EXOC2: variants seen among roughly 807,000 people sequenced by gnomAD.
EXOC2 encodes exocyst complex component 2, also known as SEC5-like 1.
In EXOC2, 70 loss-of-function variants were observed where a neutral mutation model predicts 131.8. The observed-to-expected ratio is 0.53, with a 90% CI of 0.44 to 0.65. The LOEUF (loss-of-function observed/expected upper bound fraction) is 0.65, where lower values mean the gene tolerates loss of function less well. Among genes scored for constraint, EXOC2 ranks in the 30% least tolerant of loss-of-function variants. The pLI, the probability that EXOC2 is intolerant of heterozygous loss-of-function variation, is 0.00. For synonymous variants in EXOC2, 411 were observed against 398.4 expected, an observed-to-expected ratio of 1.03 and a Z score of -0.38; for missense variants, 923 against 1,108.6, an observed-to-expected ratio of 0.83 and a Z score of 2.38.
intron 23 of EXOC2, 98 bp downstream of exon 23, chr6:532,371 G>T: frequency 8.2e-7 from 1 of 1,221,418 alleles, no homozygotes; most frequent in African/African-American, 1.6e-5. Flanking sequence ...ACTCTCAGTA[G>T]ATATGAGAAA....
intron 4 of EXOC2, among the ~76,000 whole-genome samples, chr6:626,505 T>G (rs112567567): frequency 8.0e-4 from 122 of 152,248 alleles, no homozygotes; most frequent in African/African-American, 2.9e-3. Context: ...TGTCGAGAAT[T>G]TATCACCACA....
intron 1 of EXOC2, chr6:679,380 C>T (rs1211354254): frequency 6.6e-6 from 1 of 152,152 alleles, no homozygotes; most frequent in Non-Finnish European, 1.5e-5. Flanking sequence ...AGAGAAACAT[C>T]AACTAAAAGA....
chr6:517,558 C>T (rs1765228003), intron 23 of EXOC2, among the ~76,000 whole-genome samples: 1 of 135,022 alleles, frequency 7.4e-6, no homozygotes, highest in Non-Finnish European at 1.6e-5. Flanking sequence ...ACTTAGTGTT[C>T]CAGCTAACAA....
At chr6:529,805 CAGAT>C (rs1391397230) in intron 23 of EXOC2, among the ~76,000 whole-genome samples, 2 of 152,092 alleles carry the variant, frequency 1.3e-5, no homozygotes, top group East Asian at 1.9e-4. Flanking sequence ...CATAACTAAA[CAGAT>C]AGAATTGCTG....
rs767449038 is a variant in EXOC2 at position 646,007 on chromosome 6, A to C, written c.-43-8146T>G. On this transcript the variant is annotated intron_variant, in intron 1 of 27. Coordinates refer to ENST00000230449, the MANE Select transcript of EXOC2 (RefSeq NM_018303.6). ...TTTCTTGACCTTGACATTTTCAAAG[A>C]GTACAGGTTATTTTATGGAATGCCT... Among the ~76,000 whole-genome samples, 4 of 152,208 alleles carry C rather than the reference A, an allele frequency of 2.6e-5. No individual in the cohort carries two copies. The South Asian group carries it at 8.3e-4, about 31-fold the overall frequency.
chr6:544,706 T>G (rs1179898120), intron 22 of EXOC2, among the ~76,000 whole-genome samples: 2 of 152,158 alleles, frequency 1.3e-5, no homozygotes, highest in Non-Finnish European at 2.9e-5. Flanking sequence ...TAATCAAACA[T>G]GTAAAATACA....
intron 1 of EXOC2, among the ~76,000 whole-genome samples, chr6:679,913 A>G (rs1764322890): frequency 6.6e-6 from 1 of 152,240 alleles, no homozygotes; most frequent in African/African-American, 2.4e-5. Context: ...TGGTTTATTA[A>G]CAAGGGTAGG....
At chr6:505,964 AG>A (rs1451642417) in intron 23 of EXOC2, among the ~76,000 whole-genome samples, 1 of 152,256 alleles carries the variant, frequency 6.6e-6, no homozygotes, top group Non-Finnish European at 1.5e-5. Context: ...AAATATATGT[AG>A]AATTCTATAA....
chr6:564,032 C>G lies in EXOC2; in HGVS notation c.1789+1G>C. 6.2e-7 allele frequency: 1 copy of G among 1,613,476 alleles called. No individual in the cohort carries two copies. Among genetic ancestry groups the G allele is most frequent in the East Asian group, 2.2e-5 (1 of 44,880 alleles). On this transcript the variant is annotated splice_donor_variant, in intron 16 of 27. Transcript: ENST00000230449. LOFTEE classifies it high-confidence loss of function. ...AACGTCACCGATTTATCAAAACACA[C>G]CTTCCGCCGTGTGCTGCAACGTGGC...
chr6:595,437 C>T (rs1554134571), intron 10 of EXOC2, among the ~76,000 whole-genome samples: 1 of 151,926 alleles, frequency 6.6e-6, no homozygotes, highest in Non-Finnish European at 1.5e-5. Flanking sequence ...CTCAAAGCAT[C>T]GTAAATAAAA....
At chr6:500,952 T>G (rs895668636) in intron 23 of EXOC2, among the ~76,000 whole-genome samples, 1 of 150,464 alleles carries the variant, frequency 6.6e-6, no homozygotes, top group African/African-American at 2.5e-5. Flanking sequence ...GGTATACAAA[T>G]AAGGACACGG....
chr6:499,428 TAAACAC>T (rs1299905230), intron 24 of EXOC2, among the ~76,000 whole-genome samples: 1 of 79,128 alleles, frequency 1.3e-5, no homozygotes, highest in African/African-American at 4.7e-5. Flanking sequence ...GACTCACAGT[TAAACAC>T]ACACACACAC....
intron 1 of EXOC2, chr6:689,197 T>C (rs980195713): frequency 2.0e-5 from 3 of 152,208 alleles, no homozygotes; most frequent in Non-Finnish European, 2.9e-5. Flanking sequence ...CGTTCCATTA[T>C]TGGCACCAAG....
intron 6 of EXOC2, among the ~76,000 whole-genome samples, chr6:616,602 C>CAAAAAAAAAA (rs70985805): frequency 4.3e-5 from 3 of 69,498 alleles, no homozygotes; most frequent in South Asian, 6.3e-4. Context: ...AACTCCGTCT[C>CAAAAAAAAAA]AAAAAAAAAA....
intron 1 of EXOC2, among the ~76,000 whole-genome samples, chr6:673,593 G>T (rs1763974859): frequency 6.6e-6 from 1 of 152,152 alleles, no homozygotes; most frequent in Non-Finnish European, 1.5e-5. Flanking sequence ...CAGAAGTACA[G>T]CATAATGCAC....
At chr6:537,433 CGGCCGACGGAGCGTACACTCGAGTTGAT>C (rs1307184683) in intron 22 of EXOC2, among the ~76,000 whole-genome samples, 3 of 144,132 alleles carry the variant, frequency 2.1e-5, no homozygotes, top group South Asian at 2.3e-4. Context: ...CATGAGGTGA[CGGCCGACGGAGCGTACACTCGAGTTGAT>C]GGCCGACGGA....
At chr6:611,067 C>A (rs191610364) in intron 6 of EXOC2, among the ~76,000 whole-genome samples, 18 of 151,956 alleles carry the variant, frequency 1.2e-4, no homozygotes. Context: ...GTTCAACTTA[C>A]TAAGTGAAAC....
intron 5 of EXOC2, among the ~76,000 whole-genome samples, chr6:618,863 G>A (rs1229822702): frequency 6.6e-6 from 1 of 152,154 alleles, no homozygotes; most frequent in African/African-American, 2.4e-5. Context: ...ATTTTTTGCT[G>A]AATATAATTA....
At chr6:500,996 T>C (rs1007872044) in intron 23 of EXOC2, among the ~76,000 whole-genome samples, 2 of 147,166 alleles carry the variant, frequency 1.4e-5, no homozygotes, top group Non-Finnish European at 1.5e-5. Flanking sequence ...CATATACAGA[T>C]CAATATCAAG....
Sources: gnomAD v4.1 joint callset for allele counts (sites outside exome capture counted in the v4.1 genomes callset) on GRCh38, gnomAD v4.1.1 for gene constraint, MANE v1.5 for transcripts, NCBI Gene and HGNC (gene_info 2026-07-23, HGNC 2026-07-21) for gene names.